The following EDAR variants were observed in gnomAD, a reference collection of about 807,000 sequenced individuals.
The protein encoded by EDAR is ectodysplasin A receptor, also known as tumor necrosis factor receptor superfamily member EDAR.
EDAR carries 38 observed loss-of-function variants against 51.3 expected under a neutral mutation model. The observed-to-expected ratio is 0.74, with a 90% CI of 0.57 to 0.97. The LOEUF (loss-of-function observed/expected upper bound fraction) is 0.97. EDAR is among the 50% of genes least tolerant of loss of function. The probability of loss-of-function intolerance (pLI) is 0.00; values close to 1 mark genes in which losing one functional copy is unlikely to be tolerated. For synonymous variants in EDAR, 227 were observed against 242.1 expected (o/e 0.94, Z 0.58); for missense variants, 528 against 595.0 (o/e 0.89, Z 1.17).
At position 108,966,248 on chromosome 2, in the gene EDAR, C is replaced by G. The variant is rs561447793; in HGVS notation, c.-19+22712G>C. On this transcript the variant is annotated intron_variant, in intron 1 of 11. Coordinates refer to ENST00000258443, the MANE Select transcript of EDAR (RefSeq NM_022336.4). ...TCTGCCTTGCATGTTGTTGCCTACT[C>G]AAGTTCCGTCTTTGTCATTTCTATT... Among the ~76,000 whole-genome samples, 6 of 152,350 alleles carry G rather than the reference C, an allele frequency of 3.9e-5. No individual in the cohort carries two copies. The South Asian group carries it at 1.2e-3, about 32-fold the overall frequency.
chr2:108,912,578 G>T, intron 6 of EDAR, 100 bp downstream of exon 6: 1 of 1,159,544 alleles, frequency 8.6e-7, no homozygotes, highest in Non-Finnish European at 1.3e-6. Context: ...GTGGGGAAGC[G>T]CACCATAATC....
At position 108,975,764 on chromosome 2, in the gene EDAR, C is replaced by T. The variant is rs536735779; in HGVS notation, c.-19+13196G>A. ...CATTGGTCCAGCAAGAGAAGGGTGG[C>T]ACTGTCGGCCAGGCTCCGTGCGGCA... is the stretch of plus-strand genomic sequence containing the variant. On this transcript the variant is annotated intron_variant, in intron 1 of 11. Coordinates refer to ENST00000258443, the MANE Select transcript of EDAR (RefSeq NM_022336.4). Among the ~76,000 whole-genome samples the T allele has an allele frequency of 5.6e-4, 86 of 152,290 alleles. 2 individuals carry two copies. The highest frequency in any genetic ancestry group is 2.2e-3 in the Admixed American group (34 of 15,302).
intron 4 of EDAR, among the ~76,000 whole-genome samples, chr2:108,925,559 G>A (rs1452115724): frequency 1.3e-5 from 2 of 152,194 alleles, no homozygotes; most frequent in Non-Finnish European, 1.5e-5. Context: ...GGGGTCATGT[G>A]TATGGGTCAA....
At chr2:108,954,683 T>A (rs1401546957) in intron 1 of EDAR, among the ~76,000 whole-genome samples, 2 of 151,982 alleles carry the variant, frequency 1.3e-5, no homozygotes, top group Non-Finnish European at 2.9e-5. Flanking sequence ...ATAATCTTTT[T>A]TTTTTTTTCT....
chr2:108,906,414 G>A, intron 10 of EDAR, 46 bp from the exon 11 acceptor site: 3 of 1,605,084 alleles, frequency 1.9e-6, no homozygotes, highest in Non-Finnish European at 2.6e-6. Flanking sequence ...AGGGGCAACA[G>A]TAGAAAGGAG....
At chr2:108,919,363 ATT>A (rs1697089479) in intron 5 of EDAR, among the ~76,000 whole-genome samples, 1 of 151,914 alleles carries the variant, frequency 6.6e-6, no homozygotes, top group South Asian at 2.1e-4. Context: ...CTTTTTATTT[ATT>A]TATTTATTTA....
intron 1 of EDAR, among the ~76,000 whole-genome samples, chr2:108,954,691 TC>T (rs200789479): frequency 1.4e-3 from 218 of 151,052 alleles, no homozygotes; most frequent in African/African-American, 4.1e-3. Flanking sequence ...TTTTTTTTTT[TC>T]TGAGACAGAG....
At chr2:108,907,234 GGTTA>G (rs1473616357) in intron 10 of EDAR, among the ~76,000 whole-genome samples, 1 of 152,172 alleles carries the variant, frequency 6.6e-6, no homozygotes. Flanking sequence ...AAAATTGTCT[GGTTA>G]GATAAAACCC....
In EDAR at chr2:108,930,982, G is replaced by C. The variant is rs752992159; in HGVS notation, c.33C>G (p.Pro11=). The change falls in exon 2 of 12, where the codon CCC becomes CCG. Residue 11 remains proline (P), a synonymous_variant. Coordinates refer to ENST00000258443, the MANE Select transcript of EDAR (RefSeq NM_022336.4). Reference sequence around the variant, plus strand: ...CACTTACCACCAGGACGGGGAGCCAGGGCGTCTGCGTGCAGTCCCCCACAT... The same window carrying C: ...CACTTACCACCAGGACGGGGAGCCACGGCGTCTGCGTGCAGTCCCCCACAT... MAHVGDCTQT[P]WLPVLVVSLM... The C allele has an allele frequency of 1.9e-6, 3 of 1,614,014 alleles. No individual in the cohort carries two copies. The East Asian group carries it at 6.7e-5, about 36-fold the overall frequency.
rs368730301 is a variant in EDAR at position 108,938,854 on chromosome 2, A to T, written c.-18-7822T>A. On this transcript the variant is annotated intron_variant, in intron 1 of 11. Coordinates refer to ENST00000258443, the MANE Select transcript of EDAR (RefSeq NM_022336.4). Reference sequence around the variant, plus strand: ...GCTGGCAGTGGCATGATCTTGGCTCACTGCAACCTCCACCTCCTGGGTTCA... The same window carrying T: ...GCTGGCAGTGGCATGATCTTGGCTCTCTGCAACCTCCACCTCCTGGGTTCA... Among the ~76,000 whole-genome samples the T allele has an allele frequency of 1.2e-4, 14 of 118,398 alleles. No individual in the cohort carries two copies. In the East Asian group the frequency reaches 3.6e-3, roughly 31 times the overall value. The allele number at this position is 118,398 out of a possible 152,430, so 77.7% of individuals were successfully genotyped here. A position where few individuals can be genotyped will look rare whatever the true frequency, so the allele number is the denominator to read the frequency against.
At chr2:108,905,201 G>A (rs1444756232) in intron 11 of EDAR, among the ~76,000 whole-genome samples, 1 of 152,154 alleles carries the variant, frequency 6.6e-6, no homozygotes, top group Non-Finnish European at 1.5e-5. Flanking sequence ...TGGGCATGGA[G>A]CACAGGTTCT....
chr2:108,919,828 G>A (rs1476533776), intron 5 of EDAR, among the ~76,000 whole-genome samples: 1 of 152,210 alleles, frequency 6.6e-6, no homozygotes, highest in Non-Finnish European at 1.5e-5. Flanking sequence ...GAGCCCTTCT[G>A]CCCAGTGGCT....
intron 1 of EDAR, among the ~76,000 whole-genome samples, chr2:108,978,435 C>A (rs1426883158): frequency 1.3e-5 from 2 of 152,188 alleles, no homozygotes; most frequent in Non-Finnish European, 2.9e-5. Context: ...CTTTGCTAAT[C>A]TGTGGGCTTG....
At chr2:108,923,966 C>T (rs1450333390) in intron 4 of EDAR, among the ~76,000 whole-genome samples, 1 of 152,254 alleles carries the variant, frequency 6.6e-6, no homozygotes, top group Non-Finnish European at 1.5e-5. Flanking sequence ...CAGAGTGCAG[C>T]TGCAGGAGAC....
At chr2:108,897,374 AT>A in intron 11 of EDAR, 145 bp from the exon 12 acceptor site, 1 of 795,154 alleles carries the variant, frequency 1.3e-6, no homozygotes. Flanking sequence ...CCTAAAACAA[AT>A]GCATAACTTA....
Position 108,972,596 on chromosome 2 carries a change from G to T in EDAR, c.-19+16364C>A, listed in dbSNP as rs527973805. Among the ~76,000 whole-genome samples the T allele has an allele frequency of 2.0e-5, 3 of 152,396 alleles. No individual in the cohort carries two copies. In the South Asian group the frequency reaches 6.2e-4, roughly 32 times the overall value. ...GCTGGTGCCTTGCCCTGCACGCCAA[G>T]TGTTGGTAAAACAAGTGTCTGCACA... On this transcript the variant is annotated intron_variant, in intron 1 of 11. Transcript: ENST00000258443.
chr2:108,966,879 GAC>G (rs1197650591), intron 1 of EDAR, among the ~76,000 whole-genome samples: 1 of 152,220 alleles, frequency 6.6e-6, no homozygotes, highest in East Asian at 1.9e-4. Context: ...GTGAAAGGGA[GAC>G]AGAGAGGGAC....
At chr2:108,927,767 T>A in intron 4 of EDAR, among the ~76,000 whole-genome samples, 1 of 152,056 alleles carries the variant, frequency 6.6e-6, no homozygotes, top group East Asian at 1.9e-4. Flanking sequence ...CATAGTCCCC[T>A]CAAATTCCAC....
intron 1 of EDAR, among the ~76,000 whole-genome samples, 154 bp downstream of exon 1, chr2:108,988,806 G>A (rs542977887): frequency 4.6e-5 from 7 of 152,320 alleles, no homozygotes; most frequent in African/African-American, 1.2e-4. Flanking sequence ...AACTGGTAGC[G>A]CAGACATACT....
Sources: gnomAD v4.1 joint callset for allele counts (sites outside exome capture counted in the v4.1 genomes callset) on GRCh38, gnomAD v4.1.1 for gene constraint, MANE v1.5 for transcripts, NCBI Gene and HGNC (gene_info 2026-07-23, HGNC 2026-07-21) for gene names.